Variants in DDX27 observed in about 807,000 individuals in gnomAD.
DDX27 encodes the protein DEAD-box helicase 27.
In DDX27, 42 loss-of-function variants were observed where a neutral mutation model predicts 99.3. The observed-to-expected ratio is 0.42, with a 90% CI of 0.33 to 0.55. DDX27 has a LOEUF of 0.55. Among genes scored for constraint, DDX27 ranks in the 20% least tolerant of loss-of-function variants. The pLI is 0.07. For missense variants in DDX27, 798 were observed against 976.8 expected (o/e 0.82, Z 2.44); for synonymous variants, 329 against 353.8 (o/e 0.93, Z 0.79).
intron 1 of DDX27, among the ~76,000 whole-genome samples, chr20:49,221,035 C>T (rs1979650996): frequency 3.3e-5 from 5 of 152,182 alleles, no homozygotes; most frequent in African/African-American, 2.4e-5. Context: ...GATCTCGGCT[C>T]ACCGCAGCCT....
chr20:49,242,257 C>T, intron 18 of DDX27, 51 bp downstream of exon 18: 1 of 1,602,280 alleles, frequency 6.2e-7, no homozygotes, highest in Admixed American at 1.7e-5. Context: ...TCCCTGAAAC[C>T]TGTGCTTTGG....
At position 49,229,273 on chromosome 20, in the gene DDX27, G is replaced by T. The variant is rs990188171; in HGVS notation, c.880+385G>T. Among the ~76,000 whole-genome samples, 71 of 151,968 alleles carry T rather than the reference G, an allele frequency of 4.7e-4. 1 individual carries two copies. Among genetic ancestry groups the T allele is most frequent in the Non-Finnish European group, 1.5e-5 (1 of 68,012 alleles). ...TCTCGATCTCCTGACCTCGTGATCC[G>T]CCTGCCTTGGCCTCCCAAAGTGCTG... On this transcript the variant is annotated intron_variant, in intron 8 of 20. Transcript: ENST00000618172.
chr20:49,238,467 AT>A (rs11313004), intron 14 of DDX27: 97,279 of 144,402 alleles, frequency 0.67, 32,775 homozygotes, highest in Non-Finnish European at 0.76. Context: ...ATGATGGCTA[AT>A]TTTTTTTTTT....
In DDX27 at chr20:49,238,993, G is replaced by T; in HGVS notation, c.1732G>T (p.Asp578Tyr). Residue 578 changes from aspartate (D) to tyrosine (Y), a missense_variant, in exon 15 of 21, where the codon GAT (aspartate) becomes TAT (tyrosine). By Grantham distance (160) the Asp-to-Tyr change is radical. Coordinates refer to ENST00000618172, the MANE Select transcript of DDX27 (RefSeq NM_017895.8). ...GGACAAGATTGAGAAAATGGAGAAA[G>T]ATGTGTATGCAGTTCTGCAGCTAGA... The part of the protein sequence containing the change: ...FRDKIEKMEK[D>Y]VYAVLQLEAE... The T allele has an allele frequency of 6.2e-7, 1 of 1,614,172 alleles. No individual in the cohort carries two copies. The highest frequency in any genetic ancestry group is 2.2e-5 in the East Asian group (1 of 44,890).
intron 20 of DDX27, 28 bp downstream of exon 20, chr20:49,243,731 A>C (rs1208755813): frequency 2.5e-6 from 4 of 1,613,924 alleles, no homozygotes; most frequent in Non-Finnish European, 3.4e-6. Flanking sequence ...GGAGGGGCAT[A>C]GGTTTTGGGA....
Position 49,239,169 on chromosome 20 carries a change from C to T in DDX27, c.1795-67C>T, listed in dbSNP as rs1197110658. 4 of 1,543,916 alleles carry T rather than the reference C, an allele frequency of 2.6e-6. No individual in the cohort carries two copies. The African/African-American group carries it at 4.1e-5, about 16-fold the overall frequency. On this transcript the variant is annotated intron_variant, in intron 15 of 20. Coordinates refer to ENST00000618172, the MANE Select transcript of DDX27 (RefSeq NM_017895.8). ...CTCCCATCAGAGCCCCAGGCATTTG[C>T]AGCCCGTGGCTTCCTGTGTTAGTAG... is the stretch of plus-strand genomic sequence containing the variant.
intron 11 of DDX27, 62 bp downstream of exon 11, chr20:49,233,771 C>T (rs1980209862): frequency 6.3e-7 from 1 of 1,580,084 alleles, no homozygotes; most frequent in Non-Finnish European, 8.6e-7. Flanking sequence ...CTCGTAGTAT[C>T]CATGCTGAAG....
At chr20:49,221,676 C>T in intron 2 of DDX27, 78 bp downstream of exon 2, 1 of 1,278,434 alleles carries the variant, frequency 7.8e-7, no homozygotes, top group South Asian at 1.6e-5. Flanking sequence ...CTAGCCCTGA[C>T]CTGACTGACC....
chr20:49,236,169 A>T lies in DDX27; in HGVS notation c.1447A>T (p.Ile483Phe). Residue 483 changes from isoleucine (I) to phenylalanine (F), a missense_variant, in exon 13 of 21, where the codon ATT becomes TTT. Physicochemically the swap from Ile to Phe is conservative, Grantham distance 21. Coordinates refer to ENST00000618172, the MANE Select transcript of DDX27 (RefSeq NM_017895.8). The surrounding 1 kb of genome is among the most constrained non-coding windows in gnomAD (Gnocchi z 4.1). Reference protein sequence around the residue: ...EALRRFKDEQIDILVATDVAA... With the variant: ...EALRRFKDEQFDILVATDVAA... ...TTCTAGGCGTTTTAAGGATGAACAG[A>T]TTGACATCCTCGTGGCCACTGATGT... 6.2e-7 allele frequency: 1 copy of T among 1,612,358 alleles called. No homozygotes were observed.
In DDX27 at chr20:49,225,491, T is replaced by G. The variant is rs560516788; in HGVS notation, c.600+292T>G. ...TTTTTTTTGAGACGGAGTCTCACTC[T>G]GTCGCCCAGGCTGGAGTGCAGTGGC... is the stretch of plus-strand genomic sequence containing the variant. On this transcript the variant is annotated intron_variant, in intron 6 of 20. Coordinates refer to ENST00000618172, the MANE Select transcript of DDX27 (RefSeq NM_017895.8). 3.4e-4 allele frequency among the ~76,000 whole-genome samples: 46 copies of G among 136,736 alleles called. No individual in the cohort carries two copies. The Admixed American group carries it at 3.5e-3, about 10-fold the overall frequency. 89.7% of individuals were successfully genotyped at this position (136,736 alleles called of 152,430 possible).
intron 20 of DDX27, 26 bp from the exon 21 acceptor site, chr20:49,243,790 T>TA (rs1336656479): frequency 2.5e-6 from 4 of 1,614,130 alleles, no homozygotes; most frequent in Non-Finnish European, 3.4e-6. Flanking sequence ...ATCCTCATTC[T>TA]GGTCTTAACT....
rs576629047 is a variant in DDX27, at chr20:49,233,764, G to A, written c.1273+55G>A. Reference sequence around the variant, plus strand: ...TGGGCTGGTCAGCTTCCTTGAGCTCGTAGTATCCATGCTGAAGTGCTTGGT... The same window carrying A: ...TGGGCTGGTCAGCTTCCTTGAGCTCATAGTATCCATGCTGAAGTGCTTGGT... On this transcript the variant is annotated intron_variant, in intron 11 of 20. Transcript: ENST00000618172. The A allele has an allele frequency of 8.7e-5, 138 of 1,588,700 alleles. No individual in the cohort carries two copies. In the South Asian group the frequency reaches 1.4e-3, roughly 16 times the overall value.
At chr20:49,226,222 G>A (rs547163824) in intron 6 of DDX27, among the ~76,000 whole-genome samples, 2 of 152,266 alleles carry the variant, frequency 1.3e-5, no homozygotes, top group South Asian at 2.1e-4. Flanking sequence ...AGATTCCTGA[G>A]GGCAGGGTTT....
At chr20:49,226,893 C>G (rs372141131) in intron 7 of DDX27, among the ~76,000 whole-genome samples, 1 of 95,602 alleles carries the variant, frequency 1.0e-5, no homozygotes, top group Non-Finnish European at 2.0e-5. Context: ...GACGGAGTCT[C>G]GCTCTGTCGC....
intron 2 of DDX27, 152 bp downstream of exon 2, chr20:49,221,750 G>A: frequency 2.0e-6 from 1 of 511,592 alleles, no homozygotes; most frequent in African/African-American, 2.0e-5. Flanking sequence ...AAAAACAAAA[G>A]AAAATATCTG....
rs373516675 is a variant in DDX27 at position 49,221,442 on chromosome 20, C to A, written c.94-10C>A. ...AGCCCCAAAGTCACTCTGTCTCTTA[C>A]TCTTCCCAGGGGCCCATTGTGCTGG... On this transcript the variant is annotated splice_polypyrimidine_tract_variant and intron_variant, in intron 1 of 20. Coordinates refer to ENST00000618172, the MANE Select transcript of DDX27 (RefSeq NM_017895.8). The A allele has an allele frequency of 6.2e-7, 1 of 1,612,926 alleles. No individual in the cohort carries two copies. Among genetic ancestry groups the A allele is most frequent in the African/African-American group, 1.3e-5 (1 of 74,896 alleles).
chr20:49,226,647 C>G (rs1027388671), intron 7 of DDX27, 112 bp downstream of exon 7: 3 of 667,544 alleles, frequency 4.5e-6, no homozygotes, highest in Non-Finnish European at 7.3e-6. Flanking sequence ...GTTTTTTGAA[C>G]TATTTCATTT....
At chr20:49,224,511 C>T (rs1031299835) in intron 4 of DDX27, among the ~76,000 whole-genome samples, 7 of 151,972 alleles carry the variant, frequency 4.6e-5, no homozygotes, top group African/African-American at 1.4e-4. Context: ...TACAGGCACA[C>T]GCCAACACAC....
At position 49,233,724 on chromosome 20, in the gene DDX27, C is replaced by G; in HGVS notation, c.1273+15C>G. On this transcript the variant is annotated intron_variant, in intron 11 of 20. Coordinates refer to ENST00000618172, the MANE Select transcript of DDX27 (RefSeq NM_017895.8). ...CATCGTGGCAGGTGGCAGCACAGGG[C>G]AAGCCTGGGCAGGGTGGGCTGGTCA... 1 of 1,607,732 alleles carries G rather than the reference C, an allele frequency of 6.2e-7. No homozygotes were observed. Among genetic ancestry groups the G allele is most frequent in the South Asian group, 1.1e-5 (1 of 90,946 alleles).
Sources: gnomAD v4.1 joint callset for allele counts (sites outside exome capture counted in the v4.1 genomes callset) on GRCh38, gnomAD v4.1.1 for gene constraint, Gnocchi (gnomAD v3.1) non-coding constraint, MANE v1.5 for transcripts, NCBI Gene and HGNC (gene_info 2026-07-23, HGNC 2026-07-21) for gene names.